RNF216: variants seen among roughly 807,000 people sequenced by gnomAD.
RNF216 encodes E3 ubiquitin-protein ligase RNF216.
Under a neutral mutation model 110.8 loss-of-function variants are expected in RNF216, and 72 were observed. That is an observed-to-expected ratio of 0.65 (90% CI 0.54 to 0.79). The LOEUF (loss-of-function observed/expected upper bound fraction) is 0.79, where lower values mean the gene tolerates loss of function less well. Among genes scored for constraint, RNF216 ranks in the 30% least tolerant of loss-of-function variants. The probability of loss-of-function intolerance (pLI) is 0.00; values close to 1 mark genes in which losing one functional copy is unlikely to be tolerated. For synonymous variants in RNF216, 495 were observed against 407.5 expected (o/e 1.21, Z -2.59); for missense variants, 1,342 against 1,141.2 (o/e 1.18, Z -2.54).
chr7:5,634,671 A>G (rs556743125), intron 15 of RNF216, among the ~76,000 whole-genome samples: 11 of 152,300 alleles, frequency 7.2e-5, no homozygotes, highest in Non-Finnish European at 1.5e-4. Flanking sequence ...AAATACCACT[A>G]TCTGGAGCAC....
intron 8 of RNF216, 25 bp downstream of exon 8, chr7:5,725,299 C>A: frequency 9.8e-6 from 13 of 1,325,346 alleles, no homozygotes; most frequent in Non-Finnish European, 1.4e-5. Context: ...CAGCTACACA[C>A]TGCCACCAAC....
chr7:5,700,697 TACAG>T (rs1422991546), intron 13 of RNF216, among the ~76,000 whole-genome samples: 3 of 152,180 alleles, frequency 2.0e-5, no homozygotes, highest in Admixed American at 6.5e-5. Context: ...CTGTGAGTAC[TACAG>T]ACAGTGTGTT....
At chr7:5,671,931 G>A (rs536378886) in intron 13 of RNF216, among the ~76,000 whole-genome samples, 9 of 151,484 alleles carry the variant, frequency 5.9e-5, no homozygotes, top group Admixed American at 1.3e-4. Context: ...CACAAGAAAC[G>A]AAATCTGCTG....
intron 13 of RNF216, among the ~76,000 whole-genome samples, chr7:5,675,175 T>G (rs2128599798): frequency 6.6e-6 from 1 of 152,312 alleles, no homozygotes; most frequent in South Asian, 2.1e-4. Context: ...TCAAATAAGG[T>G]ACCAACTACT....
chr7:5,740,505 T>G (rs879556907), intron 4 of RNF216, among the ~76,000 whole-genome samples: 9 of 152,122 alleles, frequency 5.9e-5, no homozygotes, highest in Non-Finnish European at 1.2e-4. Flanking sequence ...GATGATGAGG[T>G]AAGCTGTTAG....
intron 7 of RNF216, among the ~76,000 whole-genome samples, chr7:5,727,599 G>T (rs1311925881): frequency 1.3e-5 from 2 of 152,116 alleles, no homozygotes; most frequent in Admixed American, 6.5e-5. Flanking sequence ...AGGTGTGGTG[G>T]CGTGCACCTG....
At chr7:5,750,401 G>T (rs1474594929) in intron 3 of RNF216, among the ~76,000 whole-genome samples, 2 of 152,182 alleles carry the variant, frequency 1.3e-5, no homozygotes, top group African/African-American at 4.8e-5. Context: ...TCAAATATGT[G>T]GTTAGTCAGG....
intron 3 of RNF216, among the ~76,000 whole-genome samples, chr7:5,751,579 T>G (rs551852345): frequency 4.5e-4 from 68 of 152,290 alleles, no homozygotes; most frequent in African/African-American, 1.6e-3. Context: ...GCTTTAATTC[T>G]TACACAGGAA....
chr7:5,770,744 G>A (rs1048131131), intron 1 of RNF216, among the ~76,000 whole-genome samples: 4 of 151,032 alleles, frequency 2.6e-5, no homozygotes, highest in African/African-American at 9.7e-5. Flanking sequence ...CACTAATTAA[G>A]ACAATATTGT....
intron 2 of RNF216, among the ~76,000 whole-genome samples, chr7:5,754,278 C>A (rs190241344): frequency 2.6e-5 from 4 of 151,932 alleles, no homozygotes; most frequent in Admixed American, 6.6e-5. Context: ...ATGTCAGCTT[C>A]CCAAGTAGCT....
At position 5,641,148 on chromosome 7, in the gene RNF216, A is replaced by C. The variant is rs1323593154; in HGVS notation, c.2382+6T>G. ...TAAAGCAATAGGCAGCCATGTGTCT[A>C]CTTACAGTGGGATCGGTCCAGAGAG... On this transcript the variant is annotated splice_donor_region_variant and intron_variant, in intron 15 of 16. Transcript: ENST00000389902. 6.2e-7 allele frequency: 1 copy of C among 1,601,988 alleles called. No homozygotes were observed. The highest frequency in any genetic ancestry group is 8.6e-7 in the Non-Finnish European group (1 of 1,169,334).
chr7:5,716,659 T>G, intron 10 of RNF216, 57 bp downstream of exon 10: 1 of 1,383,562 alleles, frequency 7.2e-7, no homozygotes, highest in South Asian at 1.3e-5. Flanking sequence ...CAAAACATGG[T>G]AAGAGAAAAC....
intron 5 of RNF216, among the ~76,000 whole-genome samples, chr7:5,737,874 G>A (rs1363199349): frequency 6.6e-6 from 1 of 152,050 alleles, no homozygotes; most frequent in African/African-American, 2.4e-5. Flanking sequence ...CAGATCATGA[G>A]GTCAGGGTTT....
At position 5,623,062 on chromosome 7, in the gene RNF216, T is replaced by C. The variant is rs149833669; in HGVS notation, c.2570A>G (p.Tyr857Cys). Residue 857 changes from tyrosine (Y) to cysteine (C), a missense_variant, in exon 17 of 17, where the codon TAT (tyrosine) becomes TGT (cysteine). By Grantham distance (194) the Tyr-to-Cys change is radical (BLOSUM62 -2). Coordinates refer to ENST00000389902, the MANE Select transcript of RNF216 (RefSeq NM_207111.4). The stretch of plus-strand genomic sequence containing the variant: ...GGGGAAGGGTGGGTGCGCGAAGGCA[T>C]AGGGTGGCATCTGTGGCTGTGGCAG... ...QNLPQPQMPP[Y>C]AFAHPPFPLP... 53 of 1,613,404 alleles carry C rather than the reference T, an allele frequency of 3.3e-5. No individual in the cohort carries two copies. Among genetic ancestry groups the C allele is most frequent in the Admixed American group, 5.0e-5 (3 of 59,954 alleles).
chr7:5,753,824 G>A (rs1163994792), intron 2 of RNF216, among the ~76,000 whole-genome samples: 6 of 152,084 alleles, frequency 3.9e-5, no homozygotes, highest in African/African-American at 1.4e-4. Context: ...GTGAAACACC[G>A]TCTCTACTAA....
chr7:5,648,495 G>A (rs1788182270), intron 14 of RNF216, among the ~76,000 whole-genome samples: 1 of 151,544 alleles, frequency 6.6e-6, no homozygotes, highest in African/African-American at 2.4e-5. Flanking sequence ...GGAGGCCAAG[G>A]CAGGCGGATC....
At chr7:5,625,306 T>A (rs1219078769) in intron 15 of RNF216, among the ~76,000 whole-genome samples, 1 of 152,186 alleles carries the variant, frequency 6.6e-6, no homozygotes, top group Non-Finnish European at 1.5e-5. Flanking sequence ...CCTGATATCG[T>A]GAGAGGATTA....
chr7:5,762,869 A>T (rs185280386), intron 1 of RNF216, among the ~76,000 whole-genome samples: 27 of 152,342 alleles, frequency 1.8e-4, no homozygotes, highest in Admixed American at 1.0e-3. Context: ...ACAAGACAAA[A>T]CATGAACATA....
intron 13 of RNF216, among the ~76,000 whole-genome samples, chr7:5,699,611 G>A (rs149965776): frequency 1.1e-3 from 175 of 152,326 alleles, no homozygotes; most frequent in Middle Eastern, 3.4e-3. Context: ...CATTACCAAG[G>A]ATATTCACAG....
Sources: allele counts gnomAD v4.1 joint callset (sites outside exome capture counted in the v4.1 genomes callset), GRCh38; gene constraint gnomAD v4.1.1; transcripts MANE v1.5; gene names NCBI Gene and HGNC (gene_info 2026-07-23, HGNC 2026-07-21).